AMER3: variants seen among roughly 807,000 people sequenced by gnomAD.
AMER3 encodes the protein APC membrane recruitment protein 3.
For missense variants in AMER3, 1,201 were observed against 1,139.4 expected (o/e 1.05, Z -0.78); for synonymous variants, 541 against 485.5 (o/e 1.11, Z -1.50).
At chr2:130,760,545 G>A (rs1384572210) in intron 1 of AMER3, among the ~76,000 whole-genome samples, 1 of 152,190 alleles carries the variant, frequency 6.6e-6, no homozygotes, top group Non-Finnish European at 1.5e-5. Context: ...GGGGATGAGT[G>A]CAGGGTTGCC....
rs561524417 is a variant in AMER3 at position 130,762,440 on chromosome 2, G to C, written c.368G>C (p.Ser123Thr). 1.9e-6 allele frequency: 3 copies of C among 1,612,872 alleles called. No homozygotes were observed. In the South Asian group the frequency reaches 3.3e-5, roughly 18 times the overall value. Residue 123 changes from serine to threonine, a missense_variant, in exon 2 of 2, where the codon AGC becomes ACC. Coordinates refer to ENST00000321420, the MANE Select transcript of AMER3 (RefSeq NM_152698.3). ...GCAAGCTTCCCGGGCTCCCCGGGCAGCCGGCGCATGATCGACTACCGCCAC... is the reference window on the plus strand; with the variant it reads ...GCAAGCTTCCCGGGCTCCCCGGGCACCCGGCGCATGATCGACTACCGCCAC... ...GSASFPGSPG[S>T]RRMIDYRHFV...
At chr2:130,756,808 C>T (rs1678624909) in intron 1 of AMER3, among the ~76,000 whole-genome samples, 2 of 151,994 alleles carry the variant, frequency 1.3e-5, no homozygotes, top group Admixed American at 1.3e-4. Context: ...GTTTTATTCC[C>T]CATTCCCACC....
At chr2:130,761,564 A>G (rs1678780654) in intron 1 of AMER3, among the ~76,000 whole-genome samples, 5 of 152,170 alleles carry the variant, frequency 3.3e-5, no homozygotes, top group Admixed American at 2.6e-4. Context: ...GGAGTCTGCA[A>G]TATGCACACC....
intron 1 of AMER3, among the ~76,000 whole-genome samples, chr2:130,759,501 A>G (rs968213414): frequency 1.3e-5 from 2 of 152,250 alleles, no homozygotes; most frequent in African/African-American, 4.8e-5. Context: ...AGATTTTTCC[A>G]AAACATAGAA....
At position 130,764,648 on chromosome 2, in the gene AMER3, C is replaced by T. The variant is rs1245925429; in HGVS notation, c.2576C>T (p.Pro859Leu). 3 of 1,604,046 alleles carry T rather than the reference C, an allele frequency of 1.9e-6. No individual in the cohort carries two copies. Among genetic ancestry groups the T allele is most frequent in the Non-Finnish European group, 2.5e-6 (3 of 1,176,984 alleles). ...GCCTCTGGGCCAGCCATGGCTGAGCCCCATCTGTAGGACAGGCTCACATGC... is the reference window on the plus strand; with the variant it reads ...GCCTCTGGGCCAGCCATGGCTGAGCTCCATCTGTAGGACAGGCTCACATGC... ...VGASGPAMAE[P>L]HL Residue 859 changes from proline to leucine, a missense_variant, in exon 2 of 2, where the codon CCC becomes CTC. Coordinates refer to ENST00000321420, the MANE Select transcript of AMER3 (RefSeq NM_152698.3).
intron 1 of AMER3, among the ~76,000 whole-genome samples, chr2:130,761,098 G>A (rs899064482): frequency 6.6e-6 from 1 of 152,068 alleles, no homozygotes; most frequent in African/African-American, 2.4e-5. Flanking sequence ...TCCTCCACTC[G>A]GAGGTCAGGT....
chr2:130,762,435 G>A lies in AMER3; in HGVS notation c.363G>A (p.Pro121=), dbSNP rs540101844. ...GCAGTGCAAGCTTCCCGGGCTCCCC[G>A]GGCAGCCGGCGCATGATCGACTACC... is the stretch of plus-strand genomic sequence containing the variant. ...LVGSASFPGS[P]GSRRMIDYRH... is the part of the protein sequence containing the mutation. The change falls in exon 2 of 2, where the codon CCG becomes CCA. Residue 121 remains proline, a synonymous_variant. Transcript: ENST00000321420. 6.2e-5 allele frequency: 100 copies of A among 1,612,706 alleles called. 1 individual carries two copies. In the South Asian group the frequency reaches 9.7e-4, roughly 16 times the overall value.
chr2:130,764,925 C>A lies in AMER3; in HGVS notation c.*267C>A. On this transcript the variant is annotated 3_prime_UTR_variant, in exon 2 of 2. Coordinates refer to ENST00000321420, the MANE Select transcript of AMER3 (RefSeq NM_152698.3). ...CAGGGGCTGGAGAGAGGGGCTAGGGCTTGAAACTGAGGGGGAGAAAGAGCT... is the reference window on the plus strand; with the variant it reads ...CAGGGGCTGGAGAGAGGGGCTAGGGATTGAAACTGAGGGGGAGAAAGAGCT... 2.2e-6 allele frequency: 1 copy of A among 458,862 alleles called. No individual in the cohort carries two copies. The highest frequency in any genetic ancestry group is 4.0e-6 in the Non-Finnish European group (1 of 248,962). The allele number at this position is 458,862 out of a possible 1,614,324, so 28.4% of individuals were successfully genotyped here. A position where few individuals can be genotyped will look rare whatever the true frequency, so the allele number is the denominator to read the frequency against.
At chr2:130,758,174 A>G (rs1254905180) in intron 1 of AMER3, among the ~76,000 whole-genome samples, 1 of 151,570 alleles carries the variant, frequency 6.6e-6, no homozygotes, top group Non-Finnish European at 1.5e-5. Context: ...CCTGGCCAAC[A>G]TGATGAAACC....
At position 130,763,459 on chromosome 2, in the gene AMER3, C is replaced by T. The variant is rs749603774; in HGVS notation, c.1387C>T (p.Arg463Ter). Reference sequence around the variant, plus strand: ...GACGCCACTGTCCATATGCAGCTTCCGAGTGGGGGCCGAGGAGAACTTGGC... The same window carrying T: ...GACGCCACTGTCCATATGCAGCTTCTGAGTGGGGGCCGAGGAGAACTTGGC... The part of the protein sequence containing the change: ...LGTPLSICSF[R>*]VGAEENLAPA... Residue 463 changes from arginine to a stop codon, truncating the protein, a stop_gained, in exon 2 of 2, where the codon CGA becomes TGA. Coordinates refer to ENST00000321420, the MANE Select transcript of AMER3 (RefSeq NM_152698.3). LOFTEE classifies it low-confidence loss of function (END_TRUNC). 7 of 1,612,810 alleles carry T rather than the reference C, an allele frequency of 4.3e-6. No homozygotes were observed. Among genetic ancestry groups the T allele is most frequent in the African/African-American group, 1.3e-5 (1 of 75,030 alleles).
At position 130,765,208 on chromosome 2, in the gene AMER3, G is replaced by A. The variant is rs1678950414; in HGVS notation, c.*550G>A. 1 of 167,442 alleles carries A rather than the reference G, an allele frequency of 6.0e-6. No homozygotes were observed. The highest frequency in any genetic ancestry group is 6.5e-5 in the Admixed American group (1 of 15,396). The allele number at this position is 167,442 out of a possible 1,614,324, so 10.4% of individuals were successfully genotyped here. A position where few individuals can be genotyped will look rare whatever the true frequency, so the allele number is the denominator to read the frequency against. On this transcript the variant is annotated 3_prime_UTR_variant, in exon 2 of 2. Transcript: ENST00000321420. ...ATTTGAGAAACATAAAAACACAACA[G>A]AACACATCAGCCACTTCACACAATA... is the stretch of plus-strand genomic sequence containing the variant.
At chr2:130,759,581 C>T (rs181340292) in intron 1 of AMER3, among the ~76,000 whole-genome samples, 2 of 152,184 alleles carry the variant, frequency 1.3e-5, no homozygotes, top group Non-Finnish European at 2.9e-5. Context: ...TTATTATTAC[C>T]TTCAATTATA....
intron 1 of AMER3, among the ~76,000 whole-genome samples, chr2:130,759,340 CTG>C (rs1678711061): frequency 6.6e-6 from 1 of 152,168 alleles, no homozygotes; most frequent in South Asian, 2.1e-4. Context: ...AATCAGTTGA[CTG>C]TTATGAGAAC....
rs1320385584 is a variant in AMER3, at chr2:130,767,604, C to T, written c.*2946C>T. ...ACATCACAGGTTCCAAAGTGTGCAG[C>T]AAGGCTTCTGACCAGGCCCGTCCAG... On this transcript the variant is annotated 3_prime_UTR_variant, in exon 2 of 2. Transcript: ENST00000321420. 6.0e-6 allele frequency: 1 copy of T among 167,000 alleles called. No individual in the cohort carries two copies. Among genetic ancestry groups the T allele is most frequent in the African/African-American group, 2.4e-5 (1 of 41,416 alleles). The allele number at this position is 167,000 out of a possible 1,614,324, so 10.3% of individuals were successfully genotyped here.
chr2:130,756,665 T>A (rs1678619795), intron 1 of AMER3, among the ~76,000 whole-genome samples: 1 of 152,118 alleles, frequency 6.6e-6, no homozygotes, highest in African/African-American at 2.4e-5. Context: ...TCCTTGCCCC[T>A]GGGCAGGCCA....
At chr2:130,759,836 T>C (rs1678723817) in intron 1 of AMER3, among the ~76,000 whole-genome samples, 1 of 152,226 alleles carries the variant, frequency 6.6e-6, no homozygotes, top group Admixed American at 6.5e-5. Context: ...TCTGAATTTA[T>C]CCTTTGTAAA....
Position 130,764,803 on chromosome 2 carries a change from CATGTT to C in AMER3, c.*146_*150del. 3 of 1,068,504 alleles carry C rather than the reference CATGTT, an allele frequency of 2.8e-6. No individual in the cohort carries two copies. Among genetic ancestry groups the C allele is most frequent in the Non-Finnish European group, 4.0e-6 (3 of 752,980 alleles). The allele number at this position is 1,068,504 out of a possible 1,614,324, so 66.2% of individuals were successfully genotyped here. A position where few individuals can be genotyped will look rare whatever the true frequency, so the allele number is the denominator to read the frequency against. ...CAGGACTCAGGCATGCAGAGGGTAG[CATGTT>C]CATGTGGAGGCATCCTTGCCTGAAC... On this transcript the variant is annotated 3_prime_UTR_variant, in exon 2 of 2. Transcript: ENST00000321420.
At chr2:130,760,048 G>T (rs947046233) in intron 1 of AMER3, among the ~76,000 whole-genome samples, 1 of 152,218 alleles carries the variant, frequency 6.6e-6, no homozygotes, top group Non-Finnish European at 1.5e-5. Flanking sequence ...AAAGTCTGCA[G>T]GTGCAGGGTG....
At position 130,763,579 on chromosome 2, in the gene AMER3, G is replaced by GGGCA. The variant is rs1678874159; in HGVS notation, c.1507_1508insGGCA (p.Ala503GlyfsTer37). The stretch of plus-strand genomic sequence containing the variant: ...GCTGAAGCTGTGTGACACTGAGCTC[G>GGGCA]CCATCACCATGGGCATCGTCAGCTG... On this transcript the variant is annotated frameshift_variant, in exon 2 of 2. Transcript: ENST00000321420. LOFTEE classifies it low-confidence loss of function (END_TRUNC). 1.2e-6 allele frequency: 2 copies of GGGCA among 1,610,616 alleles called. No individual in the cohort carries two copies. The highest frequency in any genetic ancestry group is 2.7e-5 in the African/African-American group (2 of 74,902).
Sources: gnomAD v4.1 joint callset for allele counts (sites outside exome capture counted in the v4.1 genomes callset) on GRCh38, gnomAD v4.1.1 for gene constraint, MANE v1.5 for transcripts, NCBI Gene and HGNC (gene_info 2026-07-23, HGNC 2026-07-21) for gene names.